Variants in LRRTM3 observed in about 807,000 individuals in gnomAD.
The protein encoded by LRRTM3 is leucine rich repeat transmembrane neuronal 3.
In LRRTM3, 24 loss-of-function variants were observed where a neutral mutation model predicts 44.7. The ratio of observed to expected loss-of-function variants is 0.54; its 90% confidence interval spans 0.39 to 0.76. The LOEUF is 0.76. LRRTM3 is among the 30% of genes least tolerant of loss of function. The pLI is 0.00. For missense variants in LRRTM3, 587 were observed against 702.2 expected (o/e 0.84, Z 1.85); for synonymous variants, 277 against 278.7 (o/e 0.99, Z 0.06).
intron 2 of LRRTM3, among the ~76,000 whole-genome samples, chr10:67,001,489 C>G (rs1490647470): frequency 6.6e-6 from 1 of 151,602 alleles, no homozygotes; most frequent in Admixed American, 6.6e-5. Context: ...ATGGGGGGCA[C>G]AGACAGGTGG....
intron 2 of LRRTM3, among the ~76,000 whole-genome samples, chr10:66,952,582 G>C (rs1413978365): frequency 6.6e-6 from 1 of 152,194 alleles, no homozygotes; most frequent in South Asian, 2.1e-4. Flanking sequence ...TGTGCATCAT[G>C]ATGATGTACT....
chr10:67,054,230 C>A (rs1442362267), intron 2 of LRRTM3, among the ~76,000 whole-genome samples: 1 of 151,982 alleles, frequency 6.6e-6, no homozygotes, highest in Non-Finnish European at 1.5e-5. Context: ...GGCTGTACCC[C>A]AATAATATAA....
intron 2 of LRRTM3, among the ~76,000 whole-genome samples, chr10:66,934,101 G>C (rs1440421244): frequency 6.6e-6 from 1 of 151,928 alleles, no homozygotes; most frequent in Non-Finnish European, 1.5e-5. Context: ...CATGATATAA[G>C]ACCAAGCAAG....
chr10:67,019,895 A>G (rs576876543), intron 2 of LRRTM3, among the ~76,000 whole-genome samples: 1 of 152,332 alleles, frequency 6.6e-6, no homozygotes, highest in East Asian at 1.9e-4. Context: ...TAATTCTACC[A>G]TAAAAACAGC....
At chr10:66,950,969 T>C (rs552846672) in intron 2 of LRRTM3, among the ~76,000 whole-genome samples, 1 of 152,260 alleles carries the variant, frequency 6.6e-6, no homozygotes, top group South Asian at 2.1e-4. Context: ...GAAACTCCCT[T>C]TGAATGCTAG....
intron 2 of LRRTM3, among the ~76,000 whole-genome samples, chr10:66,982,120 TA>T (rs1428677117): frequency 6.6e-6 from 1 of 152,214 alleles, no homozygotes; most frequent in African/African-American, 2.4e-5. Context: ...TATGCTAGCA[TA>T]GACCAAGATC....
intron 2 of LRRTM3, among the ~76,000 whole-genome samples, chr10:67,035,405 C>T (rs1280493601): frequency 1.3e-5 from 2 of 151,862 alleles, no homozygotes; most frequent in East Asian, 1.9e-4. Flanking sequence ...TATTTATATG[C>T]GTTATTTAAA....
chr10:66,978,552 A>AAT (rs1554890349), intron 2 of LRRTM3, among the ~76,000 whole-genome samples: 7,902 of 37,834 alleles, frequency 0.21, 943 homozygotes, highest in East Asian at 0.52. Context: ...AAAAAAAAAA[A>AAT]ATATATATAT....
intron 2 of LRRTM3, among the ~76,000 whole-genome samples, chr10:67,068,695 C>T (rs1196090331): frequency 2.0e-5 from 3 of 152,140 alleles, no homozygotes; most frequent in Admixed American, 6.5e-5. Flanking sequence ...CAGCAAATGA[C>T]CCAAATATGT....
intron 2 of LRRTM3, among the ~76,000 whole-genome samples, chr10:67,083,852 T>C (rs1263079940): frequency 6.6e-6 from 1 of 152,112 alleles, no homozygotes; most frequent in Non-Finnish European, 1.5e-5. Flanking sequence ...GCTACACATA[T>C]TTTATTAAAA....
chr10:66,961,146 A>C (rs567168187), intron 2 of LRRTM3, among the ~76,000 whole-genome samples: 3 of 152,356 alleles, frequency 2.0e-5, no homozygotes, highest in South Asian at 2.1e-4. Context: ...ATTTCAAAAA[A>C]AGTTACGAAC....
chr10:67,029,510 A>G (rs1853591777), intron 2 of LRRTM3, among the ~76,000 whole-genome samples: 1 of 152,206 alleles, frequency 6.6e-6, no homozygotes, highest in South Asian at 2.1e-4. Flanking sequence ...TGAGTCAAGT[A>G]TACACAAACA....
chr10:66,937,833 T>G (rs1453456267), intron 2 of LRRTM3, among the ~76,000 whole-genome samples: 1 of 152,172 alleles, frequency 6.6e-6, no homozygotes, highest in South Asian at 2.1e-4. Context: ...TTTTCCAGAA[T>G]AGATCAAATT....
At chr10:67,093,316 C>T (rs1254318592) in intron 2 of LRRTM3, among the ~76,000 whole-genome samples, 7 of 151,792 alleles carry the variant, frequency 4.6e-5, no homozygotes, top group African/African-American at 1.7e-4. Flanking sequence ...ATTTGGGTAA[C>T]CTTCAGGTAG....
chr10:66,996,031 G>A (rs965387171), intron 2 of LRRTM3, among the ~76,000 whole-genome samples: 9 of 151,998 alleles, frequency 5.9e-5, no homozygotes, highest in East Asian at 5.8e-4. Flanking sequence ...ATTTTAGTAC[G>A]CTTTATTTTA....
intron 2 of LRRTM3, among the ~76,000 whole-genome samples, chr10:67,057,674 G>T (rs1855521327): frequency 6.6e-6 from 1 of 152,108 alleles, no homozygotes; most frequent in Non-Finnish European, 1.5e-5. Flanking sequence ...CAGGAAAGTT[G>T]TAAGTTTGCT....
At chr10:67,007,108 A>C (rs1852039880) in intron 2 of LRRTM3, among the ~76,000 whole-genome samples, 2 of 152,056 alleles carry the variant, frequency 1.3e-5, no homozygotes, top group Non-Finnish European at 2.9e-5. Context: ...CAGTCTTAAA[A>C]ATTATGTATT....
intron 2 of LRRTM3, among the ~76,000 whole-genome samples, chr10:66,988,608 T>C (rs1850862949): frequency 6.6e-6 from 1 of 152,176 alleles, no homozygotes; most frequent in Non-Finnish European, 1.5e-5. Context: ...GAAGCTGATA[T>C]TTTTGTTTGA....
intron 2 of LRRTM3, among the ~76,000 whole-genome samples, chr10:67,062,436 G>C (rs895829957): frequency 1.3e-5 from 2 of 152,102 alleles, no homozygotes; most frequent in East Asian, 3.9e-4. Context: ...TATCTCTTAA[G>C]TATGCAGGTG....
Sources: gnomAD v4.1 joint callset for allele counts (sites outside exome capture counted in the v4.1 genomes callset) on GRCh38, gnomAD v4.1.1 for gene constraint, MANE v1.5 for transcripts, NCBI Gene and HGNC (gene_info 2026-07-23, HGNC 2026-07-21) for gene names.